The following BMPR1A variants were observed in gnomAD, a reference collection of about 807,000 sequenced individuals.
The protein encoded by BMPR1A is bone morphogenetic protein receptor type-1A.
A neutral mutation model predicts 66.0 loss-of-function variants in BMPR1A; 7 were observed. The ratio of observed to expected loss-of-function variants is 0.11; its 90% CI spans 0.06 to 0.20. BMPR1A has a LOEUF of 0.20. Ranked by LOEUF, BMPR1A falls within the 10% of genes least tolerant of loss-of-function variation. The probability of loss-of-function intolerance (pLI) is 1.00; values close to 1 mark genes in which losing one functional copy is unlikely to be tolerated. For missense variants in BMPR1A, 408 were observed against 669.1 expected (o/e 0.61, Z 4.31); for synonymous variants, 200 against 229.7 (o/e 0.87, Z 1.17).
At position 86,919,369 on chromosome 10, in the gene BMPR1A, C is replaced by T. The variant is rs774555805; in HGVS notation, c.1066C>T (p.Pro356Ser). 10 of 1,613,024 alleles carry T rather than the reference C, an allele frequency of 6.2e-6. No homozygotes were observed. Among genetic ancestry groups the T allele is most frequent in the Middle Eastern group, 1.8e-4 (1 of 5,408 alleles). Residue 356 changes from proline to serine, a missense_variant, in exon 10 of 13, where the codon CCC (proline) becomes TCC (serine). Pro to Ser is a moderately conservative substitution (Grantham distance 74, BLOSUM62 -1). Transcript: ENST00000372037. ...HTEIYGTQGK[P>S]AIAHRDLKSK... ...AGAAATTTATGGCACCCAAGGAAAG[C>T]CCGCAATTGCTCATCGAGACCTAAA...
chr10:86,899,940 GTTTTACA>G (rs1204856939), intron 6 of BMPR1A, 50 bp downstream of exon 6: 1 of 1,609,766 alleles, frequency 6.2e-7, no homozygotes, highest in Non-Finnish European at 8.5e-7. Flanking sequence ...ATCTTCTCTG[GTTTTACA>G]GTAACCAGGC....
At chr10:86,783,200 C>G (rs1362648510) in intron 1 of BMPR1A, among the ~76,000 whole-genome samples, 1 of 152,146 alleles carries the variant, frequency 6.6e-6, no homozygotes, top group Non-Finnish European at 1.5e-5. Context: ...GCTGTCTGTT[C>G]TGTTCCATTG....
intron 2 of BMPR1A, among the ~76,000 whole-genome samples, chr10:86,859,023 T>C (rs75136881): frequency 0.011 from 1,665 of 152,248 alleles, 26 homozygotes; most frequent in African/African-American, 0.039. Flanking sequence ...CTTCAAGATA[T>C]ACTGCAAAGC....
chr10:86,792,790 T>A (rs1323326143), intron 1 of BMPR1A, among the ~76,000 whole-genome samples: 1 of 152,214 alleles, frequency 6.6e-6, no homozygotes, highest in Non-Finnish European at 1.5e-5. Context: ...TGGATCATGA[T>A]GGGTATCAGA....
chr10:86,809,482 T>TG (rs1185480202), intron 1 of BMPR1A, among the ~76,000 whole-genome samples: 16 of 151,968 alleles, frequency 1.1e-4, no homozygotes, highest in African/African-American at 3.9e-4. Flanking sequence ...TTTGCCGAGA[T>TG]GCGGTTTTGC....
At chr10:86,770,070 T>C (rs1350385981) in intron 1 of BMPR1A, among the ~76,000 whole-genome samples, 1 of 151,828 alleles carries the variant, frequency 6.6e-6, no homozygotes, top group Non-Finnish European at 1.5e-5. Context: ...GGTGGGAGGA[T>C]CATTGAGCTC....
intron 1 of BMPR1A, among the ~76,000 whole-genome samples, chr10:86,770,516 G>A (rs749854848): frequency 1.3e-5 from 2 of 152,164 alleles, no homozygotes; most frequent in African/African-American, 2.4e-5. Flanking sequence ...CTTGTCCCCA[G>A]AAGAAAAGCT....
rs1294551521 is a variant in BMPR1A, at chr10:86,923,986, A to G, written c.*267A>G. ...TTTTAAGTGGGTTTTTATGAACTGC[A>G]TCAAGACTTCAATCCTGATTAGTGT... On this transcript the variant is annotated 3_prime_UTR_variant, in exon 13 of 13. Transcript: ENST00000372037. The G allele has an allele frequency of 1.5e-5, 7 of 482,060 alleles. No individual in the cohort carries two copies. Among genetic ancestry groups the G allele is most frequent in the African/African-American group, 1.9e-5 (1 of 51,892 alleles). The allele number at this position is 482,060 out of a possible 1,614,324, so 29.9% of individuals were successfully genotyped here.
chr10:86,785,999 G>A (rs1055291960), intron 1 of BMPR1A, among the ~76,000 whole-genome samples: 3 of 152,080 alleles, frequency 2.0e-5, no homozygotes, highest in South Asian at 4.1e-4. Context: ...CACTTTCACC[G>A]TCTTTAGCAC....
chr10:86,813,619 T>C (rs1227744850), intron 1 of BMPR1A, among the ~76,000 whole-genome samples: 1 of 152,208 alleles, frequency 6.6e-6, no homozygotes, highest in Non-Finnish European at 1.5e-5. Flanking sequence ...TGAAACCAGT[T>C]AAAACCATTC....
intron 2 of BMPR1A, among the ~76,000 whole-genome samples, chr10:86,859,449 G>A (rs999142161): frequency 3.9e-5 from 6 of 152,028 alleles, no homozygotes; most frequent in Admixed American, 2.0e-4. Context: ...GGTTATAGGT[G>A]TGAGCCATTA....
chr10:86,808,898 T>C (rs1841928059), intron 1 of BMPR1A, among the ~76,000 whole-genome samples: 1 of 152,198 alleles, frequency 6.6e-6, no homozygotes. Flanking sequence ...CTTTCGTTTC[T>C]CTGATTCATC....
intron 2 of BMPR1A, among the ~76,000 whole-genome samples, chr10:86,840,968 G>A (rs959447289): frequency 5.3e-5 from 8 of 152,000 alleles, no homozygotes; most frequent in Admixed American, 3.9e-4. Context: ...GCTGCTTCTC[G>A]CTCCTACTTC....
chr10:86,776,791 A>G (rs1406902178), intron 1 of BMPR1A, among the ~76,000 whole-genome samples: 2 of 152,058 alleles, frequency 1.3e-5, no homozygotes, highest in Non-Finnish European at 2.9e-5. Context: ...TCTTTATTCT[A>G]GTTCTTGATC....
intron 1 of BMPR1A, among the ~76,000 whole-genome samples, chr10:86,799,042 A>G (rs1841768905): frequency 6.6e-6 from 1 of 152,242 alleles, no homozygotes; most frequent in Non-Finnish European, 1.5e-5. Context: ...TGTCTTGAAA[A>G]TAACTGACTA....
At chr10:86,797,068 C>CTTTTTCTT (rs1841724500) in intron 1 of BMPR1A, among the ~76,000 whole-genome samples, 1 of 105,028 alleles carries the variant, frequency 9.5e-6, no homozygotes, top group Non-Finnish European at 2.0e-5. Context: ...CTTTTCTTTT[C>CTTTTTCTT]TTTTTTTTTT....
intron 5 of BMPR1A, among the ~76,000 whole-genome samples, chr10:86,896,286 TA>T (rs199696928): frequency 4.4e-5 from 6 of 134,900 alleles, no homozygotes; most frequent in South Asian, 2.7e-4. Flanking sequence ...TCTTCTATCA[TA>T]AAAAAAAAGA....
intron 1 of BMPR1A, among the ~76,000 whole-genome samples, chr10:86,766,810 G>A (rs1443711598): frequency 1.3e-5 from 2 of 149,088 alleles, no homozygotes; most frequent in East Asian, 1.9e-4. Context: ...GGGTTTCACC[G>A]TGTTAGCCAG....
intron 3 of BMPR1A, among the ~76,000 whole-genome samples, chr10:86,881,784 G>A (rs952143167): frequency 1.2e-4 from 19 of 152,184 alleles, no homozygotes; most frequent in African/African-American, 4.6e-4. Context: ...GAAGAAACTG[G>A]TAGATTAAGA....
Sources: allele counts gnomAD v4.1 joint callset (sites outside exome capture counted in the v4.1 genomes callset), GRCh38; gene constraint gnomAD v4.1.1; transcripts MANE v1.5; gene names NCBI Gene and HGNC (gene_info 2026-07-23, HGNC 2026-07-21).